Variants in MAPK8 observed in about 807,000 individuals in gnomAD.
The protein encoded by MAPK8 is JUN N-terminal kinase.
In MAPK8, 13 loss-of-function variants were observed where a neutral mutation model predicts 52.9. The ratio of observed to expected loss-of-function variants is 0.25; its 90% CI spans 0.16 to 0.39. The LOEUF is 0.39. MAPK8 is among the 10% of genes least tolerant of loss of function. The pLI is 1.00. For synonymous variants in MAPK8, 191 were observed against 169.8 expected (o/e 1.12, Z -0.97); for missense variants, 300 against 519.2 (o/e 0.58, Z 4.10).
intron 5 of MAPK8, chr10:48,410,396 A>G (rs140872794): frequency 6.7e-4 from 248 of 368,384 alleles, no homozygotes; most frequent in Middle Eastern, 4.3e-3. Context: ...TTCTGTGTCT[A>G]TAGATTTGCC....
chr10:48,311,817 G>A (rs1382713660), intron 1 of MAPK8, among the ~76,000 whole-genome samples: 1 of 152,114 alleles, frequency 6.6e-6, no homozygotes, highest in Admixed American at 6.5e-5. Flanking sequence ...TTATAATGGT[G>A]GATTAAATTT....
At chr10:48,423,823 G>A (rs997364115) in intron 6 of MAPK8, among the ~76,000 whole-genome samples, 10 of 151,998 alleles carry the variant, frequency 6.6e-5, no homozygotes, top group South Asian at 6.2e-4. Flanking sequence ...AACATGCAGG[G>A]TTTTTCTATT....
chr10:48,424,682 A>G (rs1221073793), intron 7 of MAPK8: 16 of 651,672 alleles, frequency 2.5e-5, no homozygotes, highest in Non-Finnish European at 3.6e-5. Flanking sequence ...TCTCTCCCTA[A>G]TATATTGTTA....
intron 1 of MAPK8, among the ~76,000 whole-genome samples, chr10:48,329,098 T>C (rs1486551262): frequency 6.6e-6 from 1 of 152,206 alleles, no homozygotes; most frequent in Non-Finnish European, 1.5e-5. Flanking sequence ...CTCTCCCTCA[T>C]AGATGGGGAA....
At chr10:48,341,560 T>C (rs573614545) in intron 1 of MAPK8, among the ~76,000 whole-genome samples, 5 of 152,330 alleles carry the variant, frequency 3.3e-5, no homozygotes, top group African/African-American at 1.2e-4. Context: ...ACTCAAGCTA[T>C]AGTAGATTTC....
chr10:48,334,076 C>T (rs1027986317), intron 1 of MAPK8, among the ~76,000 whole-genome samples: 3 of 152,162 alleles, frequency 2.0e-5, no homozygotes, highest in African/African-American at 7.2e-5. Flanking sequence ...GGGGCCTGCA[C>T]CTTTCCTGGC....
At chr10:48,386,803 AAT>A (rs2041339171) in intron 1 of MAPK8, among the ~76,000 whole-genome samples, 1 of 152,162 alleles carries the variant, frequency 6.6e-6, no homozygotes, top group Admixed American at 6.5e-5. Context: ...TCTCCATTGA[AAT>A]ATATATATTT....
rs1372824790 is a variant in MAPK8, at chr10:48,438,349, A to G, written c.*3320A>G. On this transcript the variant is annotated 3_prime_UTR_variant, in exon 12 of 12. Transcript: ENST00000374189. ...ATCAAAGGAAACTAATTTTTCCTTA[A>G]TAGCAAGAAAGATGAAGAGGTAAAG... The G allele has an allele frequency of 1.3e-5, 2 of 152,238 alleles. No homozygotes were observed. The highest frequency in any genetic ancestry group is 4.8e-5 in the African/African-American group (2 of 41,456). The allele number at this position is 152,238 out of a possible 1,614,324, so 9.4% of individuals were successfully genotyped here. A position where few individuals can be genotyped will look rare whatever the true frequency, so the allele number is the denominator to read the frequency against.
intron 1 of MAPK8, among the ~76,000 whole-genome samples, chr10:48,348,966 C>T (rs1224379107): frequency 2.1e-5 from 3 of 143,818 alleles, no homozygotes; most frequent in East Asian, 2.0e-4. Context: ...AAAAAAAAAG[C>T]AGGGGTTGCG....
In MAPK8 at chr10:48,434,876, T is replaced by C. The variant is rs908929274; in HGVS notation, c.1139-8T>C. 4 of 1,602,426 alleles carry C rather than the reference T, an allele frequency of 2.5e-6. No homozygotes were observed. In the African/African-American group the frequency reaches 5.4e-5, roughly 22 times the overall value. On this transcript the variant is annotated splice_region_variant and splice_polypyrimidine_tract_variant and intron_variant, in intron 11 of 11. Coordinates refer to ENST00000374189, the MANE Select transcript of MAPK8 (RefSeq NM_001323329.2). ...AACTGATTTGCTGTTTTGTTTCTCA[T>C]AGCACAGGTGCAGCAGTGATCAATG... is the stretch of plus-strand genomic sequence containing the variant.
At chr10:48,351,272 A>ATTTT (rs66660207) in intron 1 of MAPK8, among the ~76,000 whole-genome samples, 58,210 of 129,248 alleles carry the variant, frequency 0.45, 14,555 homozygotes, top group Middle Eastern at 0.64. Flanking sequence ...ATAACTTTGA[A>ATTTT]TTTTTTTTTT....
At chr10:48,421,993 T>G (rs1013127009) in intron 6 of MAPK8, among the ~76,000 whole-genome samples, 5 of 147,288 alleles carry the variant, frequency 3.4e-5, no homozygotes, top group African/African-American at 1.3e-4. Context: ...CACCTCACAC[T>G]CATTTTATTT....
At position 48,404,978 on chromosome 10, in the gene MAPK8, A is replaced by T. The variant is rs2042381911; in HGVS notation, c.249A>T (p.Lys83Asn). Residue 83 changes from lysine (K) to asparagine (N), a missense_variant, in exon 3 of 12, where the codon AAA (lysine) becomes AAT (asparagine). Around this residue, in one of 3 missense-constraint regions of MAPK8, gnomAD observed 147 missense variants for 328.1 expected, o/e 0.45. Transcript: ENST00000374189. Reference protein sequence around the residue: ...ELVLMKCVNHKNIIGLLNVFT... With the variant: ...ELVLMKCVNHNNIIGLLNVFT... ...TTCTTATGAAATGTGTTAATCACAA[A>T]AATGTAAGTGAACATTTTTGGTTTC... 6.3e-7 allele frequency: 1 copy of T among 1,596,974 alleles called. No individual in the cohort carries two copies. The highest frequency in any genetic ancestry group is 8.5e-7 in the Non-Finnish European group (1 of 1,173,530).
intron 1 of MAPK8, among the ~76,000 whole-genome samples, 186 bp from the exon 2 acceptor site, chr10:48,401,426 C>T (rs1360018960): frequency 1.3e-5 from 2 of 152,044 alleles, no homozygotes; most frequent in Admixed American, 6.5e-5. Flanking sequence ...AAAAAACTAT[C>T]AGTCATTCAT....
intron 1 of MAPK8, among the ~76,000 whole-genome samples, chr10:48,344,417 T>C (rs1845576460): frequency 6.6e-6 from 1 of 152,234 alleles, no homozygotes; most frequent in Non-Finnish European, 1.5e-5. Flanking sequence ...CCACTAGTCA[T>C]CGATTTTTCA....
At chr10:48,420,454 G>A in intron 6 of MAPK8, 134 bp downstream of exon 6, 1 of 860,178 alleles carries the variant, frequency 1.2e-6, no homozygotes, top group Non-Finnish European at 1.6e-6. Flanking sequence ...TGTATCAAAA[G>A]TTTGCAGGTA....
intron 1 of MAPK8, among the ~76,000 whole-genome samples, chr10:48,314,635 A>G (rs1238951991): frequency 6.6e-6 from 1 of 152,194 alleles, no homozygotes; most frequent in Non-Finnish European, 1.5e-5. Context: ...GAGGTTGTCC[A>G]ACTTCCATTC....
intron 3 of MAPK8, among the ~76,000 whole-genome samples, chr10:48,409,549 A>G (rs190513215): frequency 1.1e-4 from 16 of 152,336 alleles, no homozygotes; most frequent in African/African-American, 3.6e-4. Flanking sequence ...GAGATACTGA[A>G]TTGGAAAAGA....
At chr10:48,370,638 G>C (rs1848458201) in intron 1 of MAPK8, among the ~76,000 whole-genome samples, 1 of 152,134 alleles carries the variant, frequency 6.6e-6, no homozygotes, top group Non-Finnish European at 1.5e-5. Context: ...CACTAAAGGG[G>C]AATGGACCAA....
Sources: gnomAD v4.1 joint callset for allele counts (sites outside exome capture counted in the v4.1 genomes callset) on GRCh38, gnomAD v4.1.1 for gene constraint, gnomAD v4.1.1 regional missense constraint, MANE v1.5 for transcripts, NCBI Gene and HGNC (gene_info 2026-07-23, HGNC 2026-07-21) for gene names.